DLC1: variants seen among roughly 807,000 people sequenced by gnomAD.
DLC1 encodes the protein DLC1 Rho GTPase activating protein.
A neutral mutation model predicts 140.3 loss-of-function variants in DLC1; 54 were observed. The ratio of observed to expected loss-of-function variants is 0.38; its 90% CI spans 0.31 to 0.48. The LOEUF is 0.48. DLC1 is among the 20% of genes least tolerant of loss of function. DLC1 has a pLI of 0.96. For synonymous variants in DLC1, 986 were observed against 728.1 expected, an observed-to-expected ratio of 1.35 and a Z score of -5.70; for missense variants, 2,536 against 1,907.0, an observed-to-expected ratio of 1.33 and a Z score of -6.14.
chr8:13,451,424 G>A (rs971278140), intron 2 of DLC1, among the ~76,000 whole-genome samples: 1 of 151,934 alleles, frequency 6.6e-6, no homozygotes, highest in Non-Finnish European at 1.5e-5. Flanking sequence ...AATTATTATT[G>A]ACTGTAGTCT....
chr8:13,494,916 A>C (rs1458596186), intron 2 of DLC1, among the ~76,000 whole-genome samples: 2 of 152,106 alleles, frequency 1.3e-5, no homozygotes, highest in Non-Finnish European at 2.9e-5. Context: ...ACACCCCTGC[A>C]CTCCAGCCTG....
At chr8:13,533,523 A>G (rs1442345253) in intron 1 of DLC1, among the ~76,000 whole-genome samples, 2 of 152,154 alleles carry the variant, frequency 1.3e-5, no homozygotes, top group African/African-American at 2.4e-5. Context: ...AACTTTTGAA[A>G]TCTCCATAAT....
chr8:13,422,180 T>C (rs554844626), intron 2 of DLC1, among the ~76,000 whole-genome samples: 2 of 152,254 alleles, frequency 1.3e-5, no homozygotes, highest in Middle Eastern at 3.4e-3. Flanking sequence ...TTGAAGGGTA[T>C]ATATAGCATA....
At chr8:13,388,748 A>G (rs957439433) in intron 4 of DLC1, among the ~76,000 whole-genome samples, 7 of 152,048 alleles carry the variant, frequency 4.6e-5, no homozygotes, top group Admixed American at 3.3e-4. Flanking sequence ...ATACATATAT[A>G]TACATTCATT....
At chr8:13,603,307 C>T (rs1391889256) in intron 1 of DLC1, among the ~76,000 whole-genome samples, 5 of 151,622 alleles carry the variant, frequency 3.3e-5, no homozygotes, top group African/African-American at 9.7e-5. Flanking sequence ...TCATTCATTA[C>T]GAGTCTTGGT....
At chr8:13,086,597 G>C in intron 16 of DLC1, 134 bp from the exon 17 acceptor site, 3 of 938,160 alleles carry the variant, frequency 3.2e-6, no homozygotes, top group Non-Finnish European at 3.2e-6. Flanking sequence ...CCCAGGCCTA[G>C]GTAAATGGCA....
chr8:13,572,940 G>C (rs1031244597), intron 1 of DLC1, among the ~76,000 whole-genome samples: 2 of 152,070 alleles, frequency 1.3e-5, no homozygotes, highest in African/African-American at 4.8e-5. Flanking sequence ...GTTCAAGATT[G>C]TTTTGGCTAT....
intron 1 of DLC1, among the ~76,000 whole-genome samples, chr8:13,526,646 A>G (rs753634015): frequency 3.0e-4 from 45 of 152,200 alleles, no homozygotes; most frequent in Non-Finnish European, 4.4e-5. Flanking sequence ...GCTGGAAAAC[A>G]TCATTCTGAG....
chr8:13,519,804 TGG>T (rs1802708762), upstream of DLC1, among the ~76,000 whole-genome samples: 1 of 152,126 alleles, frequency 6.6e-6, no homozygotes, highest in Non-Finnish European at 1.5e-5. Flanking sequence ...CATCAAATAA[TGG>T]GCAAAAGATA....
In DLC1 at chr8:13,570,412, A is replaced by T. The variant is rs376501296; in HGVS notation, c.-126+34125T>A. Among the ~76,000 whole-genome samples, 195 of 146,808 alleles carry T rather than the reference A, an allele frequency of 1.3e-3. 2 individuals are homozygous for T. Among genetic ancestry groups the T allele is most frequent in the Middle Eastern group, 3.4e-3 (1 of 294 alleles). On this transcript the variant is annotated intron_variant, in intron 1 of 1. Coordinates refer to the DLC1 transcript ENST00000631382. The stretch of plus-strand genomic sequence containing the variant: ...TGCACCCACTAACTCGTCATCTAGC[A>T]TTAGGTATATCTCCCAATGCTATCC...
chr8:13,485,162 G>A (rs1482716852), intron 2 of DLC1, among the ~76,000 whole-genome samples: 1 of 152,018 alleles, frequency 6.6e-6, no homozygotes, highest in African/African-American at 2.4e-5. Flanking sequence ...TTAATAGCAG[G>A]GATTTTGGAA....
Position 13,140,109 on chromosome 8 carries a change from T to C in DLC1, c.1349-24452A>G, listed in dbSNP as rs1416328383. On this transcript the variant is annotated intron_variant, in intron 5 of 17. Transcript: ENST00000276297. The stretch of plus-strand genomic sequence containing the variant: ...TTATTTCACTTGCTGTCCCTAGGAA[T>C]TTGACTATTTTAGGTATGTCCTATA... Among the ~76,000 whole-genome samples the C allele has an allele frequency of 2.0e-5, 3 of 152,218 alleles. No homozygotes were observed. In the East Asian group the frequency reaches 5.8e-4, roughly 29 times the overall value.
rs1274760005 is a variant in DLC1, at chr8:13,356,100, A to AAG, written c.1314+37452_1314+37453insCT. On this transcript the variant is annotated intron_variant, in intron 4 of 17. Transcript: ENST00000276297. ...GCAAGACTCCATCTCAAAAAAAAAA[A>AAG]AAAAAAAAAAAAAATCTTATTTTTT... 9.1e-4 allele frequency among the ~76,000 whole-genome samples: 137 copies of AAG among 151,180 alleles called. 1 individual carries two copies. The East Asian group carries it at 0.025, about 28-fold the overall frequency.
intron 2 of DLC1, among the ~76,000 whole-genome samples, chr8:13,431,763 G>T (rs1210253991): frequency 6.6e-6 from 1 of 152,120 alleles, no homozygotes; most frequent in African/African-American, 2.4e-5. Context: ...GTAGGGCTTG[G>T]GAAAGGGAAC....
chr8:13,389,095 ACT>A (rs1491215657), intron 4 of DLC1, among the ~76,000 whole-genome samples: 1 of 150,950 alleles, frequency 6.6e-6, no homozygotes, highest in Non-Finnish European at 1.5e-5. Flanking sequence ...AGAATGCTAG[ACT>A]CTCCTTGTTC....
intron 2 of DLC1, among the ~76,000 whole-genome samples, chr8:13,445,100 A>T (rs1798715669): frequency 6.6e-6 from 1 of 152,078 alleles, no homozygotes; most frequent in African/African-American, 2.4e-5. Flanking sequence ...AGAGTGAGAA[A>T]GAGAAAGTGT....
intron 1 of DLC1, chr8:13,566,912 G>T (rs957417070): frequency 6.9e-7 from 1 of 1,446,578 alleles, no homozygotes; most frequent in Non-Finnish European, 9.1e-7. Flanking sequence ...TCCATTCCCG[G>T]AGGGGTCAGC....
intron 1 of DLC1, chr8:13,567,709 T>C (rs1490857556): frequency 6.4e-6 from 10 of 1,551,918 alleles, no homozygotes; most frequent in Non-Finnish European, 8.7e-6. Flanking sequence ...TACCAAAGAC[T>C]TTCTCACCCG....
At chr8:13,133,091 T>C in intron 5 of DLC1, 2 of 1,513,282 alleles carry the variant, frequency 1.3e-6, no homozygotes, top group South Asian at 1.3e-5. Flanking sequence ...GCCCTCGCGG[T>C]CCTCAACGCA....
Sources: gnomAD v4.1 joint callset for allele counts (sites outside exome capture counted in the v4.1 genomes callset) on GRCh38, gnomAD v4.1.1 for gene constraint, MANE v1.5 for transcripts, NCBI Gene and HGNC (gene_info 2026-07-23, HGNC 2026-07-21) for gene names.